The following SPATS2L variants were observed in gnomAD, a reference collection of about 807,000 sequenced individuals.
The protein encoded by SPATS2L is spermatogenesis associated serine rich 2 like.
Under a neutral mutation model 59.6 loss-of-function variants are expected in SPATS2L, and 30 were observed. The ratio of observed to expected loss-of-function variants is 0.50; its 90% CI spans 0.38 to 0.68. The LOEUF is 0.68. Ranked by LOEUF, SPATS2L falls within the 30% of genes least tolerant of loss-of-function variation. The pLI is 0.00. For synonymous variants in SPATS2L, 252 were observed against 263.5 expected, an observed-to-expected ratio of 0.96 and a Z score of 0.42; for missense variants, 615 against 700.0, an observed-to-expected ratio of 0.88 and a Z score of 1.37.
rs144733287 is a variant in SPATS2L at position 200,321,944 on chromosome 2, G to C, written c.-72-7487G>C. Among the ~76,000 whole-genome samples, 4 of 152,314 alleles carry C rather than the reference G, an allele frequency of 2.6e-5. No individual in the cohort carries two copies. In the East Asian group the frequency reaches 7.7e-4, roughly 29 times the overall value. ...GTGGTAGAGATGGTGTTTGAAGCCA[G>C]CGTCAGATTTCAAAGCTTATGCTTT... On this transcript the variant is annotated intron_variant, in intron 1 of 12. Coordinates refer to ENST00000409140, the MANE Select transcript of SPATS2L (RefSeq NM_001100423.2).
chr2:200,345,195 A>G (rs2080470530), intron 2 of SPATS2L, among the ~76,000 whole-genome samples: 1 of 152,124 alleles, frequency 6.6e-6, no homozygotes, highest in Admixed American at 6.5e-5. Flanking sequence ...AGGAGTTTTT[A>G]TAGTTTTGGG....
At chr2:200,382,340 G>C (rs2081845511) in intron 2 of SPATS2L, among the ~76,000 whole-genome samples, 1 of 152,190 alleles carries the variant, frequency 6.6e-6, no homozygotes, top group Non-Finnish European at 1.5e-5. Context: ...CTCCCAAAAT[G>C]CTGGGATTAT....
chr2:200,428,174 C>T (rs893228595), intron 6 of SPATS2L, among the ~76,000 whole-genome samples: 1 of 152,184 alleles, frequency 6.6e-6, no homozygotes, highest in Non-Finnish European at 1.5e-5. Context: ...CTTCACCTCC[C>T]TCTCACTCAT....
intron 5 of SPATS2L, 128 bp from the exon 6 acceptor site, chr2:200,419,122 C>T (rs2083198758): frequency 2.3e-5 from 19 of 835,804 alleles, no homozygotes; most frequent in Non-Finnish European, 3.5e-5. Context: ...TGTAAATATT[C>T]TTCATCCAGT....
intron 3 of SPATS2L, among the ~76,000 whole-genome samples, chr2:200,396,439 C>A (rs2082356910): frequency 6.6e-6 from 1 of 152,088 alleles, no homozygotes; most frequent in South Asian, 2.1e-4. Flanking sequence ...GTGTTCATGT[C>A]TGTGTGTCGT....
At chr2:200,452,892 TAAA>T (rs3835860) in intron 8 of SPATS2L, among the ~76,000 whole-genome samples, 126 of 151,258 alleles carry the variant, frequency 8.3e-4, no homozygotes, top group East Asian at 4.9e-3. Context: ...GTGCTGCATT[TAAA>T]AAAAAAAAAA....
intron 11 of SPATS2L, among the ~76,000 whole-genome samples, chr2:200,472,021 C>T (rs1043634448): frequency 2.0e-5 from 3 of 152,170 alleles, no homozygotes; most frequent in Non-Finnish European, 4.4e-5. Flanking sequence ...GAAATCATCC[C>T]AGCAGAAACC....
intron 3 of SPATS2L, among the ~76,000 whole-genome samples, chr2:200,406,611 C>G (rs2082697189): frequency 6.6e-6 from 1 of 152,094 alleles, no homozygotes; most frequent in African/African-American, 2.4e-5. Context: ...TTCACTTTGT[C>G]TTTTCTAGCC....
chr2:200,386,751 C>A (rs1193833044), intron 2 of SPATS2L, among the ~76,000 whole-genome samples: 1 of 152,214 alleles, frequency 6.6e-6, no homozygotes, highest in East Asian at 1.9e-4. Flanking sequence ...CTCACAGATT[C>A]ATTCTTAATG....
intron 2 of SPATS2L, among the ~76,000 whole-genome samples, chr2:200,354,767 A>G (rs185929684): frequency 2.5e-3 from 387 of 152,340 alleles, no homozygotes; most frequent in Non-Finnish European, 4.2e-3. Flanking sequence ...AAATACAAAT[A>G]GCTTTTAACT....
chr2:200,342,824 TGATAG>T (rs2080378519), intron 2 of SPATS2L, among the ~76,000 whole-genome samples: 1 of 152,246 alleles, frequency 6.6e-6, no homozygotes, highest in Non-Finnish European at 1.5e-5. Context: ...CATGTGGTTA[TGATAG>T]AAGAATATCC....
chr2:200,398,802 C>G (rs2105950450), intron 3 of SPATS2L, among the ~76,000 whole-genome samples: 1 of 152,230 alleles, frequency 6.6e-6, no homozygotes, highest in South Asian at 2.1e-4. Context: ...AACATGGGCA[C>G]CAACCTGAGT....
At chr2:200,354,789 T>C (rs532739341) in intron 2 of SPATS2L, among the ~76,000 whole-genome samples, 3 of 152,284 alleles carry the variant, frequency 2.0e-5, no homozygotes, top group Non-Finnish European at 2.9e-5. Flanking sequence ...TCTGTAGATG[T>C]ATTTTAAAAG....
intron 5 of SPATS2L, among the ~76,000 whole-genome samples, chr2:200,418,063 T>C (rs909430299): frequency 6.6e-6 from 1 of 152,186 alleles, no homozygotes; most frequent in Non-Finnish European, 1.5e-5. Flanking sequence ...AAGAGAGATA[T>C]AGTAAAACTC....
chr2:200,470,044 T>C, intron 11 of SPATS2L, 28 bp downstream of exon 11: 1 of 1,543,312 alleles, frequency 6.5e-7, no homozygotes, highest in Non-Finnish European at 8.8e-7. Flanking sequence ...GCTGAATAAT[T>C]CTGTGTGAGT....
intron 2 of SPATS2L, among the ~76,000 whole-genome samples, chr2:200,387,981 G>A (rs1222112078): frequency 6.6e-6 from 1 of 152,080 alleles, no homozygotes; most frequent in Non-Finnish European, 1.5e-5. Flanking sequence ...CTCAGAGGGG[G>A]CCACTTTACA....
At chr2:200,380,112 G>T (rs2105908180) in intron 2 of SPATS2L, among the ~76,000 whole-genome samples, 1 of 152,266 alleles carries the variant, frequency 6.6e-6, no homozygotes. Flanking sequence ...CATGCCGTAG[G>T]TGAATGCTAA....
intron 2 of SPATS2L, among the ~76,000 whole-genome samples, chr2:200,359,265 C>T (rs2081020969): frequency 6.6e-6 from 1 of 152,114 alleles, no homozygotes; most frequent in Admixed American, 6.5e-5. Flanking sequence ...ATACTTTCTT[C>T]ATTATTACCA....
chr2:200,405,953 ACTTAATT>A (rs1364141139), intron 3 of SPATS2L, among the ~76,000 whole-genome samples: 1 of 152,236 alleles, frequency 6.6e-6, no homozygotes, highest in Non-Finnish European at 1.5e-5. Context: ...AGTGTGTAAT[ACTTAATT>A]CTTAATTAGA....
Sources: gnomAD v4.1 joint callset for allele counts (sites outside exome capture counted in the v4.1 genomes callset) on GRCh38, gnomAD v4.1.1 for gene constraint, MANE v1.5 for transcripts, NCBI Gene and HGNC (gene_info 2026-07-23, HGNC 2026-07-21) for gene names.